KCNAB1: variants seen among roughly 807,000 people sequenced by gnomAD.
The protein encoded by KCNAB1 is voltage-gated potassium channel subunit beta-1.
In KCNAB1, 35 loss-of-function variants were observed where a neutral mutation model predicts 64.6. The ratio of observed to expected loss-of-function variants is 0.54; its 90% CI spans 0.41 to 0.72. KCNAB1 has a LOEUF of 0.72. KCNAB1 is among the 30% of genes least tolerant of loss of function. The probability of loss-of-function intolerance (pLI) is 0.00; values close to 1 mark genes in which losing one functional copy is unlikely to be tolerated. For missense variants in KCNAB1, 401 were observed against 512.9 expected (o/e 0.78, Z 2.11); for synonymous variants, 177 against 183.8 (o/e 0.96, Z 0.30).
At chr3:156,224,150 C>T (rs2108421265) in intron 1 of KCNAB1, among the ~76,000 whole-genome samples, 1 of 152,386 alleles carries the variant, frequency 6.6e-6, no homozygotes, top group South Asian at 2.1e-4. Flanking sequence ...ACACCCTCCA[C>T]AGCTGCTGGC....
At chr3:156,378,576 C>T (rs1711892104) in intron 1 of KCNAB1, among the ~76,000 whole-genome samples, 1 of 152,176 alleles carries the variant, frequency 6.6e-6, no homozygotes, top group Non-Finnish European at 1.5e-5. Flanking sequence ...CTCATCCCCT[C>T]CTCTGAACTC....
chr3:156,485,811 G>A (rs1715162625), intron 8 of KCNAB1, among the ~76,000 whole-genome samples: 1 of 151,918 alleles, frequency 6.6e-6, no homozygotes, highest in Non-Finnish European at 1.5e-5. Context: ...TGTAGCCCTT[G>A]TTTAGTTCCC....
At chr3:156,313,263 G>A (rs1722046130) in intron 1 of KCNAB1, among the ~76,000 whole-genome samples, 1 of 152,094 alleles carries the variant, frequency 6.6e-6, no homozygotes, top group Non-Finnish European at 1.5e-5. Flanking sequence ...AAATCCAAGT[G>A]TTCTGAAAAC....
In KCNAB1 at chr3:156,444,511, C is replaced by T. The variant is rs182482266; in HGVS notation, c.320-8388C>T. ...GTTATGATTATTACCATTACCATCC[C>T]ATCTTGCTAGTGAGTGGTGGAGTCA... On this transcript the variant is annotated intron_variant, in intron 2 of 13. Coordinates refer to ENST00000490337, the MANE Select transcript of KCNAB1 (RefSeq NM_172160.3). Among the ~76,000 whole-genome samples the T allele has an allele frequency of 7.9e-5, 12 of 152,334 alleles. No homozygotes were observed. In the East Asian group the frequency reaches 1.9e-3, roughly 24 times the overall value.
chr3:156,327,806 G>A (rs1279098756), intron 1 of KCNAB1, among the ~76,000 whole-genome samples: 1 of 152,074 alleles, frequency 6.6e-6, no homozygotes, highest in African/African-American at 2.4e-5. Flanking sequence ...GACAACAGGA[G>A]GCAAGCATTC....
chr3:156,327,135 C>T (rs1452105321), intron 1 of KCNAB1, among the ~76,000 whole-genome samples: 1 of 152,164 alleles, frequency 6.6e-6, no homozygotes, highest in African/African-American at 2.4e-5. Context: ...TAGCATGTCT[C>T]TATGGTTGTG....
chr3:156,472,162 T>C (rs1713956711), intron 7 of KCNAB1, among the ~76,000 whole-genome samples: 1 of 152,104 alleles, frequency 6.6e-6, no homozygotes, highest in Non-Finnish European at 1.5e-5. Flanking sequence ...GCTTCACTTC[T>C]CAGGCCAAAA....
chr3:156,120,591 C>G lies in KCNAB1; in HGVS notation c.-21C>G. ...TACTTTGATGACAGTGACTTCCAGTCTTCTCTGAAAGATCTCCACGATGCT... is the reference window on the plus strand; with the variant it reads ...TACTTTGATGACAGTGACTTCCAGTGTTCTCTGAAAGATCTCCACGATGCT... On this transcript the variant is annotated 5_prime_UTR_variant, in exon 1 of 14. Transcript: ENST00000490337. The G allele has an allele frequency of 6.2e-7, 1 of 1,612,956 alleles. No individual in the cohort carries two copies. The highest frequency in any genetic ancestry group is 1.1e-5 in the South Asian group (1 of 90,974).
chr3:156,233,055 A>G (rs1576630084), intron 1 of KCNAB1, among the ~76,000 whole-genome samples: 1 of 152,176 alleles, frequency 6.6e-6, no homozygotes, highest in Non-Finnish European at 1.5e-5. Flanking sequence ...CAACTCTTAG[A>G]TTCTTTCAAA....
intron 3 of KCNAB1, among the ~76,000 whole-genome samples, chr3:156,454,307 T>A (rs914268700): frequency 5.3e-5 from 8 of 152,152 alleles, no homozygotes; most frequent in African/African-American, 1.9e-4. Flanking sequence ...CTCAGCCAAC[T>A]CCATGGGGAT....
intron 2 of KCNAB1, among the ~76,000 whole-genome samples, chr3:156,448,556 A>G (rs1490033719): frequency 6.6e-6 from 1 of 152,160 alleles, no homozygotes; most frequent in East Asian, 1.9e-4. Flanking sequence ...ACACTGGGCC[A>G]CTTACCCATC....
intron 1 of KCNAB1, chr3:156,292,236 C>A: frequency 8.0e-7 from 1 of 1,247,498 alleles, no homozygotes; most frequent in Non-Finnish European, 1.1e-6. Context: ...GGGTTGCTCA[C>A]TTTAGAATTC....
intron 1 of KCNAB1, among the ~76,000 whole-genome samples, chr3:156,331,401 TCAGA>T (rs576892832): frequency 1.3e-4 from 20 of 152,234 alleles, no homozygotes; most frequent in African/African-American, 4.3e-4. Context: ...CCAAGCTAGT[TCAGA>T]CAGAAGATTC....
chr3:156,153,001 A>T (rs2108297060), intron 1 of KCNAB1, among the ~76,000 whole-genome samples: 1 of 152,202 alleles, frequency 6.6e-6, no homozygotes, highest in East Asian at 1.9e-4. Flanking sequence ...TCTCACTGGA[A>T]TGTGAATTCC....
chr3:156,293,987 A>G (rs971083976), intron 1 of KCNAB1, among the ~76,000 whole-genome samples: 1 of 152,242 alleles, frequency 6.6e-6, no homozygotes, highest in Non-Finnish European at 1.5e-5. Context: ...TCGCAGCACT[A>G]TGAACTTTCT....
intron 2 of KCNAB1, among the ~76,000 whole-genome samples, chr3:156,421,877 C>T (rs549028999): frequency 7.6e-4 from 115 of 152,236 alleles, no homozygotes; most frequent in African/African-American, 2.7e-3. Flanking sequence ...GCCCGTCGAG[C>T]ATAAGGCAAC....
chr3:156,408,057 G>A (rs1270805877), intron 1 of KCNAB1, among the ~76,000 whole-genome samples: 2 of 152,110 alleles, frequency 1.3e-5, no homozygotes, highest in African/African-American at 4.8e-5. Context: ...GGGAGGGGGT[G>A]CAGTGGCGGG....
chr3:156,465,523 C>A, intron 6 of KCNAB1, 120 bp from the exon 7 acceptor site: 2 of 748,494 alleles, frequency 2.7e-6, no homozygotes, highest in East Asian at 2.7e-5. Flanking sequence ...CCTTAGCCTC[C>A]CTCCAGTGGT....
intron 1 of KCNAB1, among the ~76,000 whole-genome samples, chr3:156,143,772 T>C (rs1177212987): frequency 6.6e-6 from 1 of 151,128 alleles, no homozygotes; most frequent in Non-Finnish European, 1.5e-5. Context: ...AGAGAATTTA[T>C]AAGTTAAGAG....
Sources: allele counts gnomAD v4.1 joint callset (sites outside exome capture counted in the v4.1 genomes callset), GRCh38; gene constraint gnomAD v4.1.1; transcripts MANE v1.5; gene names NCBI Gene and HGNC (gene_info 2026-07-23, HGNC 2026-07-21).